Variants in STXBP4 observed in about 807,000 individuals in gnomAD.
STXBP4 encodes syntaxin-binding protein 4.
STXBP4 carries 55 observed loss-of-function variants against 76.1 expected under a neutral mutation model. The observed-to-expected ratio is 0.72, with a 90% CI of 0.58 to 0.91. STXBP4 has a LOEUF of 0.91. STXBP4 is among the 40% of genes least tolerant of loss of function. STXBP4 has a pLI of 0.00. For missense variants in STXBP4, 618 were observed against 636.9 expected, an observed-to-expected ratio of 0.97 and a Z score of 0.32; for synonymous variants, 201 against 220.2, an observed-to-expected ratio of 0.91 and a Z score of 0.77.
the STXBP4 span, among the ~76,000 whole-genome samples, chr17:55,201,989 T>C: frequency 6.6e-6 from 1 of 152,220 alleles, no homozygotes; most frequent in Non-Finnish European, 1.5e-5. Context: ...CATGGTGGAA[T>C]TGAATGTTTC....
intron 12 of STXBP4, among the ~76,000 whole-genome samples, chr17:55,056,072 G>A (rs1049105621): frequency 6.6e-6 from 1 of 152,140 alleles, no homozygotes; most frequent in Admixed American, 6.5e-5. Flanking sequence ...ATAAAAGGCT[G>A]TTGTAATAGT....
intron 8 of STXBP4, among the ~76,000 whole-genome samples, chr17:55,029,739 A>C (rs1429434732): frequency 6.6e-6 from 1 of 152,022 alleles, no homozygotes; most frequent in East Asian, 1.9e-4. Flanking sequence ...TTTGTGTATT[A>C]ATATACCCTA....
At chr17:55,205,999 A>G in the STXBP4 span, among the ~76,000 whole-genome samples, 1 of 152,108 alleles carries the variant, frequency 6.6e-6, no homozygotes, top group East Asian at 1.9e-4. Context: ...TCGTGAATAT[A>G]TTAAATAGTA....
intron 1 of STXBP4, among the ~76,000 whole-genome samples, chr17:54,980,861 A>C (rs1279778152): frequency 6.6e-6 from 1 of 152,210 alleles, no homozygotes; most frequent in Non-Finnish European, 1.5e-5. Context: ...CATGGGCTGC[A>C]TGTGGCCCAG....
chr17:55,205,609 T>A, the STXBP4 span, among the ~76,000 whole-genome samples: 23 of 151,950 alleles, frequency 1.5e-4, no homozygotes, highest in East Asian at 4.4e-3. Flanking sequence ...AGAGACAATT[T>A]ACATAAAAGG....
chr17:55,017,041 C>A (rs1316902077), intron 8 of STXBP4, among the ~76,000 whole-genome samples: 3 of 152,128 alleles, frequency 2.0e-5, no homozygotes, highest in African/African-American at 4.8e-5. Flanking sequence ...TTAGGCTACA[C>A]CCTTGTTTGC....
At chr17:55,090,509 T>C (rs1483640752) in intron 16 of STXBP4, among the ~76,000 whole-genome samples, 3 of 152,046 alleles carry the variant, frequency 2.0e-5, no homozygotes, top group African/African-American at 7.2e-5. Flanking sequence ...TGGTCAAATT[T>C]TAGGGCAATC....
intron 16 of STXBP4, 111 bp downstream of exon 16, chr17:55,081,294 C>G (rs1368741499): frequency 1.4e-6 from 1 of 734,032 alleles, no homozygotes; most frequent in Non-Finnish European, 2.0e-6. Context: ...AAGTTGATAC[C>G]TAATCAATAA....
rs746389647 is a variant in STXBP4 at position 54,999,618 on chromosome 17, C to A, written c.288-14C>A. 4 of 1,606,406 alleles carry A rather than the reference C, an allele frequency of 2.5e-6. No individual in the cohort carries two copies. Among genetic ancestry groups the A allele is most frequent in the African/African-American group, 2.7e-5 (2 of 74,490 alleles). ...TCATAGCATATCCATAAAGTGATTT[C>A]TTTTTAGTACTAGGTTAGAATCTGC... On this transcript the variant is annotated splice_polypyrimidine_tract_variant and intron_variant, in intron 5 of 17. Transcript: ENST00000376352.
intron 1 of STXBP4, among the ~76,000 whole-genome samples, chr17:54,972,296 G>A (rs1386949043): frequency 6.6e-6 from 1 of 152,130 alleles, no homozygotes; most frequent in East Asian, 1.9e-4. Context: ...ATTTTCTCCT[G>A]CCAGATTTCT....
In STXBP4 at chr17:55,081,147, C is replaced by T. The variant is rs1598294366; in HGVS notation, c.1453C>T (p.Leu485Phe). 2.6e-6 allele frequency: 4 copies of T among 1,538,926 alleles called. No individual in the cohort carries two copies. The highest frequency in any genetic ancestry group is 3.5e-6 in the Non-Finnish European group (4 of 1,148,610). ...AACGCTGGCGCTTGAATCTAAGGAA[C>T]TTGTTAAATCTGTTCGTGCCTTACT... ...PATLALESKELVKSVRALLDM... is the reference protein window; with the variant it reads ...PATLALESKEFVKSVRALLDM... The change falls in exon 16 of 18, where the codon CTT (leucine) becomes TTT (phenylalanine). Residue 485 changes from leucine to phenylalanine, a missense_variant. Transcript: ENST00000376352.
Position 55,103,708 on chromosome 17 carries a change from A to G in STXBP4, c.1489+22525A>G, listed in dbSNP as rs574070596. Among the ~76,000 whole-genome samples the G allele has an allele frequency of 6.6e-5, 10 of 152,060 alleles. No homozygotes were observed. The East Asian group carries it at 1.7e-3, about 26-fold the overall frequency. Reference sequence around the variant, plus strand: ...GCTTGATGGGGATAGCATTGAATCTATAAGTTACTTTGTGCAGTATGGCCA... The same window carrying G: ...GCTTGATGGGGATAGCATTGAATCTGTAAGTTACTTTGTGCAGTATGGCCA... On this transcript the variant is annotated intron_variant, in intron 16 of 17. Transcript: ENST00000376352.
intron 3 of STXBP4, among the ~76,000 whole-genome samples, chr17:54,989,730 G>A (rs1355183511): frequency 1.3e-5 from 2 of 152,206 alleles, no homozygotes; most frequent in African/African-American, 4.8e-5. Flanking sequence ...TGTTTGACCA[G>A]TAAAAGTCTC....
intron 1 of STXBP4, among the ~76,000 whole-genome samples, chr17:54,973,992 T>C (rs2077435187): frequency 6.6e-6 from 1 of 152,246 alleles, no homozygotes; most frequent in Non-Finnish European, 1.5e-5. Context: ...CATAATGTTT[T>C]CTTATCTGAT....
chr17:55,185,145 A>G, the STXBP4 span, among the ~76,000 whole-genome samples: 1 of 152,084 alleles, frequency 6.6e-6, no homozygotes, highest in Non-Finnish European at 1.5e-5. Flanking sequence ...TGCTGGAATT[A>G]CAGGCATGAA....
chr17:55,180,677 C>T, the STXBP4 span, among the ~76,000 whole-genome samples: 1 of 152,146 alleles, frequency 6.6e-6, no homozygotes, highest in Non-Finnish European at 1.5e-5. Flanking sequence ...ACTCTGAGAC[C>T]ACCATGCTTT....
intron 12 of STXBP4, among the ~76,000 whole-genome samples, chr17:55,066,828 G>A (rs2079057684): frequency 6.6e-6 from 1 of 152,110 alleles, no homozygotes; most frequent in African/African-American, 2.4e-5. Context: ...GGAGGTTGCG[G>A]TGAATCAAGA....
At chr17:55,078,854 T>C (rs1357872388) in intron 15 of STXBP4, 119 bp downstream of exon 15, 1 of 637,934 alleles carries the variant, frequency 1.6e-6, no homozygotes, top group Non-Finnish European at 2.8e-6. Context: ...ATAACTCCCA[T>C]TGGATGCCAT....
At chr17:55,159,013 G>A (rs1330040395) in intron 17 of STXBP4, among the ~76,000 whole-genome samples, 3 of 152,216 alleles carry the variant, frequency 2.0e-5, no homozygotes, top group Non-Finnish European at 2.9e-5. Context: ...GGGAGGCCAA[G>A]GTGGGTGGAT....
Sources: allele counts gnomAD v4.1 joint callset (sites outside exome capture counted in the v4.1 genomes callset), GRCh38; gene constraint gnomAD v4.1.1; transcripts MANE v1.5; gene names NCBI Gene and HGNC (gene_info 2026-07-23, HGNC 2026-07-21).